Variants in SLAMF6 observed in about 807,000 individuals in gnomAD.
The protein encoded by SLAMF6 is NK-T-B-antigen.
SLAMF6 carries 21 observed loss-of-function variants against 38.3 expected under a neutral mutation model. The ratio of observed to expected loss-of-function variants is 0.55; its 90% CI spans 0.39 to 0.79. SLAMF6 has a LOEUF of 0.79. Ranked by LOEUF, SLAMF6 falls within the 30% of genes least tolerant of loss-of-function variation. The probability of loss-of-function intolerance (pLI) is 0.00; values close to 1 mark genes in which losing one functional copy is unlikely to be tolerated. For missense variants in SLAMF6, 341 were observed against 385.3 expected, an observed-to-expected ratio of 0.89 and a Z score of 0.96; for synonymous variants, 152 against 146.3, an observed-to-expected ratio of 1.04 and a Z score of -0.28.
chr1:160,507,336 G>A (rs11265417), intron 1 of SLAMF6, among the ~76,000 whole-genome samples: 115,578 of 151,982 alleles, frequency 0.76, 46,634 homozygotes, highest in Non-Finnish European at 0.91. Flanking sequence ...CCTGCAAAAA[G>A]TTATAACAAT....
At chr1:160,508,003 A>G (rs1182276428) in intron 1 of SLAMF6, among the ~76,000 whole-genome samples, 1 of 152,134 alleles carries the variant, frequency 6.6e-6, no homozygotes, top group Non-Finnish European at 1.5e-5. Flanking sequence ...TCAACAAAAT[A>G]AAATAGGACA....
At chr1:160,508,620 C>T (rs182774741) in intron 1 of SLAMF6, among the ~76,000 whole-genome samples, 4 of 152,280 alleles carry the variant, frequency 2.6e-5, no homozygotes, top group Admixed American at 2.6e-4. Context: ...AATACTAAAA[C>T]ACCAAAAGCA....
In SLAMF6 at chr1:160,485,659, T is replaced by A. The variant is rs990185044; in HGVS notation, c.*1048A>T. 1.3e-5 allele frequency: 2 copies of A among 152,432 alleles called. No individual in the cohort carries two copies. Among genetic ancestry groups the A allele is most frequent in the South Asian group, 4.1e-4 (2 of 4,830 alleles). 9.4% of individuals were successfully genotyped at this position (152,432 alleles called of 1,614,324 possible). The stretch of plus-strand genomic sequence containing the variant: ...ACCTGCAGGGTTTTAAGCAGGAAAC[T>A]GAAGGATCCAATTTATATTAAAAAC... On this transcript the variant is annotated 3_prime_UTR_variant, in exon 8 of 8. Transcript: ENST00000368057.
chr1:160,487,112 A>C lies in SLAMF6; in HGVS notation c.943T>G (p.Ser315Ala), dbSNP rs1272020742. 6.2e-7 allele frequency: 1 copy of C among 1,612,052 alleles called. No individual in the cohort carries two copies. ...AGCAATCGTGGGCTTACCTCTTTGG[A>C]ATGATTAATTGTGGAGTAAATTGTG... is the stretch of plus-strand genomic sequence containing the variant. Reference protein sequence around the residue: ...TITIYSTINHSKESKPTFSRA... With the variant: ...TITIYSTINHAKESKPTFSRA... The change falls in exon 7 of 8, where the codon TCC (serine) becomes GCC (alanine). Residue 315 changes from serine to alanine, a missense_variant. Physicochemically the swap from Ser to Ala is moderately conservative, Grantham distance 99. Coordinates refer to ENST00000368057, the MANE Select transcript of SLAMF6 (RefSeq NM_001184714.2).
At chr1:160,504,293 G>A (rs1340979886) in intron 1 of SLAMF6, among the ~76,000 whole-genome samples, 1 of 152,024 alleles carries the variant, frequency 6.6e-6, no homozygotes, top group African/African-American at 2.4e-5. Context: ...CACAAAAAGG[G>A]TAACAGTGCA....
At chr1:160,510,399 A>G (rs2102056484) in intron 1 of SLAMF6, among the ~76,000 whole-genome samples, 1 of 152,308 alleles carries the variant, frequency 6.6e-6, no homozygotes, top group East Asian at 1.9e-4. Flanking sequence ...ACCATGACCA[A>G]GTAGAATTTA....
chr1:160,492,081 G>A (rs1020274805), intron 2 of SLAMF6, among the ~76,000 whole-genome samples: 2 of 152,162 alleles, frequency 1.3e-5, no homozygotes, highest in African/African-American at 2.4e-5. Context: ...ATCTAGGCAT[G>A]TGAGATGACA....
chr1:160,520,641 G>A (rs534025942), intron 1 of SLAMF6, among the ~76,000 whole-genome samples: 11 of 152,206 alleles, frequency 7.2e-5, no homozygotes, highest in Admixed American at 2.6e-4. Context: ...TTATTGTTTT[G>A]TTCTGTTAGT....
At chr1:160,495,940 A>G (rs1350459473) in intron 2 of SLAMF6, 121 bp downstream of exon 2, 13 of 874,942 alleles carry the variant, frequency 1.5e-5, no homozygotes, top group Non-Finnish European at 2.1e-5. Flanking sequence ...ACACTGACTC[A>G]ATGACTCCAA....
At chr1:160,497,479 A>G (rs1271708732) in intron 1 of SLAMF6, among the ~76,000 whole-genome samples, 1 of 152,182 alleles carries the variant, frequency 6.6e-6, no homozygotes, top group Non-Finnish European at 1.5e-5. Flanking sequence ...CAATTACCTC[A>G]ACCTTCTCAG....
chr1:160,485,928 C>T lies in SLAMF6; in HGVS notation c.*779G>A, dbSNP rs1652939733. The T allele has an allele frequency of 6.6e-6, 1 of 152,632 alleles. No individual in the cohort carries two copies. Among genetic ancestry groups the T allele is most frequent in the Admixed American group, 6.5e-5 (1 of 15,280 alleles). 9.5% of individuals were successfully genotyped at this position (152,632 alleles called of 1,614,324 possible). A position where few individuals can be genotyped will look rare whatever the true frequency, so the allele number is the denominator to read the frequency against. On this transcript the variant is annotated 3_prime_UTR_variant, in exon 8 of 8. Transcript: ENST00000368057. The stretch of plus-strand genomic sequence containing the variant: ...TAGATTCTTGGCTCAAACAATGGAG[C>T]TGATGTAATACCATCCTCTTCCTTT...
At chr1:160,509,316 A>G (rs1571307934) in intron 1 of SLAMF6, among the ~76,000 whole-genome samples, 1 of 152,374 alleles carries the variant, frequency 6.6e-6, no homozygotes, top group South Asian at 2.1e-4. Flanking sequence ...ATAGAATACT[A>G]TGCAGCCATA....
At chr1:160,510,170 A>G (rs1654400321) in intron 1 of SLAMF6, among the ~76,000 whole-genome samples, 1 of 152,170 alleles carries the variant, frequency 6.6e-6, no homozygotes, top group African/African-American at 2.4e-5. Flanking sequence ...AATTATTCAA[A>G]GAATAATTAG....
Position 160,496,266 on chromosome 1 carries a change from T to C in SLAMF6, c.177A>G (p.Glu59=), listed in dbSNP as rs760642824. 2 of 1,613,832 alleles carry C rather than the reference T, an allele frequency of 1.2e-6. No homozygotes were observed. Among genetic ancestry groups the C allele is most frequent in the Admixed American group, 1.7e-5 (1 of 59,960 alleles). Residue 59 remains glutamate (E), a synonymous_variant, in exon 2 of 8, where the codon GAA becomes GAG. Coordinates refer to ENST00000368057, the MANE Select transcript of SLAMF6 (RefSeq NM_001184714.2). ...KVNFITWLFN[E]TSLAFIVPHE... ...GGGGTACTATGAAGGCAAGAGATGT[T>C]TCATTGAAAAGCCAAGTGATGAAGT...
At chr1:160,497,553 G>T (rs1411914402) in intron 1 of SLAMF6, among the ~76,000 whole-genome samples, 2 of 152,110 alleles carry the variant, frequency 1.3e-5, no homozygotes, top group Non-Finnish European at 2.9e-5. Context: ...TACATGTGCA[G>T]ATTTGTTACA....
At chr1:160,511,353 C>T (rs1654463332) in intron 1 of SLAMF6, among the ~76,000 whole-genome samples, 1 of 152,142 alleles carries the variant, frequency 6.6e-6, no homozygotes, top group Non-Finnish European at 1.5e-5. Context: ...CAGTGTGGTA[C>T]TGGCATAAAG....
intron 1 of SLAMF6, among the ~76,000 whole-genome samples, chr1:160,509,722 G>A (rs973094075): frequency 4.0e-5 from 6 of 151,864 alleles, no homozygotes; most frequent in Non-Finnish European, 7.4e-5. Context: ...TAAACCCAAA[G>A]CTATTAGAAT....
chr1:160,504,729 A>C (rs1217850118), intron 1 of SLAMF6, among the ~76,000 whole-genome samples: 1 of 152,240 alleles, frequency 6.6e-6, no homozygotes, highest in Non-Finnish European at 1.5e-5. Flanking sequence ...AAAACATTAT[A>C]GTGGAGGCAA....
In SLAMF6 at chr1:160,486,831, G is replaced by A. The variant is rs774392151; in HGVS notation, c.952-77C>T. ...CCCACCCCTCATAACTACAGAGAGA[G>A]GACTGGAGACTACAGAGAGGCAGAT... On this transcript the variant is annotated intron_variant, in intron 7 of 7. Coordinates refer to ENST00000368057, the MANE Select transcript of SLAMF6 (RefSeq NM_001184714.2). The A allele has an allele frequency of 9.9e-6, 15 of 1,517,000 alleles. No individual in the cohort carries two copies. In the Admixed American group the frequency reaches 1.5e-4, roughly 15 times the overall value. 94.0% of individuals were successfully genotyped at this position (1,517,000 alleles called of 1,614,324 possible).
Sources: gnomAD v4.1 joint callset for allele counts (sites outside exome capture counted in the v4.1 genomes callset) on GRCh38, gnomAD v4.1.1 for gene constraint, MANE v1.5 for transcripts, NCBI Gene and HGNC (gene_info 2026-07-23, HGNC 2026-07-21) for gene names.